The following C8B variants were observed in gnomAD, a reference collection of about 807,000 sequenced individuals.
C8B encodes complement C8 beta chain, also known as complement component C8 beta chain.
Under a neutral mutation model 64.6 loss-of-function variants are expected in C8B, and 67 were observed. That is an observed-to-expected ratio of 1.04 (90% CI 0.85 to 1.27). C8B has a LOEUF of 1.27. Among genes scored for constraint, C8B ranks in the 50% most tolerant of loss-of-function variants. The pLI is 0.00. For synonymous variants in C8B, 284 were observed against 257.7 expected (o/e 1.10, Z -0.98); for missense variants, 790 against 725.2 (o/e 1.09, Z -1.03).
intron 7 of C8B, among the ~76,000 whole-genome samples, chr1:56,945,511 A>G (rs1644928055): frequency 6.6e-6 from 1 of 152,194 alleles, no homozygotes; most frequent in Non-Finnish European, 1.5e-5. Context: ...AAACATTTCA[A>G]CATAAACTCT....
chr1:56,939,919 A>T (rs569247053), intron 9 of C8B, among the ~76,000 whole-genome samples: 174 of 152,288 alleles, frequency 1.1e-3, no homozygotes, highest in Non-Finnish European at 2.0e-3. Context: ...ACATTTCTAG[A>T]TGTTAGATGA....
At chr1:56,942,021 TA>T (rs1644871193) in intron 8 of C8B, among the ~76,000 whole-genome samples, 1 of 152,250 alleles carries the variant, frequency 6.6e-6, no homozygotes, top group Non-Finnish European at 1.5e-5. Flanking sequence ...GTGTAAAGAA[TA>T]AATGGTATAT....
chr1:56,947,880 G>A (rs1041428873), intron 6 of C8B, among the ~76,000 whole-genome samples: 1 of 152,100 alleles, frequency 6.6e-6, no homozygotes, highest in African/African-American at 2.4e-5. Flanking sequence ...GAAGTGAGCC[G>A]AGATCATGCC....
chr1:56,955,219 C>T (rs915321061), intron 3 of C8B, among the ~76,000 whole-genome samples: 3 of 152,038 alleles, frequency 2.0e-5, no homozygotes, highest in East Asian at 3.9e-4. Context: ...TAAGGTTGTT[C>T]GAAGTTTAAA....
chr1:56,965,671 A>C (rs867951534), intron 1 of C8B, among the ~76,000 whole-genome samples, 186 bp downstream of exon 1: 5 of 152,302 alleles, frequency 3.3e-5, no homozygotes, highest in Middle Eastern at 3.4e-3. Flanking sequence ...CTTTTGTTGA[A>C]ATCAGCTACT....
intron 9 of C8B, among the ~76,000 whole-genome samples, chr1:56,938,157 G>A (rs1470842417): frequency 6.6e-6 from 1 of 152,174 alleles, no homozygotes; most frequent in Non-Finnish European, 1.5e-5. Context: ...TTCTTAGGAA[G>A]AGGTCTCTGT....
intron 11 of C8B, chr1:56,931,558 A>T: frequency 2.3e-6 from 1 of 432,998 alleles, no homozygotes; most frequent in South Asian, 2.0e-5. Flanking sequence ...ATCCAAAGAG[A>T]TGGCTTACAA....
At chr1:56,944,286 G>T (rs1310149303) in intron 7 of C8B, among the ~76,000 whole-genome samples, 1 of 152,078 alleles carries the variant, frequency 6.6e-6, no homozygotes, top group Non-Finnish European at 1.5e-5. Flanking sequence ...AAAGAAAAGG[G>T]GCAAATTTCC....
intron 9 of C8B, among the ~76,000 whole-genome samples, chr1:56,940,364 A>G (rs1214075754): frequency 6.6e-6 from 1 of 151,894 alleles, no homozygotes; most frequent in Non-Finnish European, 1.5e-5. Context: ...GGTCAGTTCA[A>G]GACCAACCTG....
intron 1 of C8B, among the ~76,000 whole-genome samples, chr1:56,962,730 G>C: frequency 6.6e-6 from 1 of 152,128 alleles, no homozygotes; most frequent in East Asian, 1.9e-4. Flanking sequence ...CAGCAGCCTC[G>C]ATTTTGCTCC....
intron 7 of C8B, 87 bp downstream of exon 7, chr1:56,945,734 G>T: frequency 6.5e-7 from 1 of 1,531,058 alleles, no homozygotes; most frequent in Non-Finnish European, 9.0e-7. Context: ...TGAAGGTGTA[G>T]CCAGGAAGGT....
chr1:56,946,160 G>A, intron 6 of C8B, 99 bp from the exon 7 acceptor site: 2 of 1,384,184 alleles, frequency 1.4e-6, no homozygotes, highest in Non-Finnish European at 2.0e-6. Flanking sequence ...TCTTGGCCTG[G>A]GGTCATCACT....
intron 10 of C8B, 147 bp downstream of exon 10, chr1:56,933,188 G>A: frequency 1.4e-6 from 1 of 740,136 alleles, no homozygotes; most frequent in Non-Finnish European, 2.4e-6. Context: ...CTTGGGGCTA[G>A]AACCCAGGTA....
chr1:56,940,836 C>G lies in C8B; in HGVS notation c.1398+13G>C, dbSNP rs376529113. ...TGGGTGGAGGAAAGGATGGGTAGAG[C>G]AGCGTTGTGTACCTTAACTTTGATG... On this transcript the variant is annotated intron_variant, in intron 9 of 11. Coordinates refer to ENST00000371237, the MANE Select transcript of C8B (RefSeq NM_000066.4). 1 of 1,613,962 alleles carries G rather than the reference C, an allele frequency of 6.2e-7. No homozygotes were observed. Among genetic ancestry groups the G allele is most frequent in the East Asian group, 2.2e-5 (1 of 44,866 alleles).
intron 5 of C8B, among the ~76,000 whole-genome samples, chr1:56,950,585 AG>A (rs2101428070): frequency 6.6e-6 from 1 of 152,292 alleles, no homozygotes; most frequent in East Asian, 1.9e-4. Flanking sequence ...CTCCCAGACA[AG>A]GGTGCAACAG....
chr1:56,965,768 G>A (rs1324218464), intron 1 of C8B, 89 bp downstream of exon 1: 35 of 1,389,562 alleles, frequency 2.5e-5, no homozygotes, highest in Non-Finnish European at 3.4e-5. Flanking sequence ...TCATTCAATA[G>A]GCATGCAACA....
At chr1:56,945,549 T>G (rs548646354) in intron 7 of C8B, among the ~76,000 whole-genome samples, 1 of 150,568 alleles carries the variant, frequency 6.6e-6, no homozygotes, top group Admixed American at 6.6e-5. Context: ...CCAGGATGGA[T>G]CCAGGAAGAG....
intron 3 of C8B, among the ~76,000 whole-genome samples, chr1:56,955,679 C>T (rs1391535972): frequency 1.3e-5 from 2 of 152,182 alleles, no homozygotes; most frequent in African/African-American, 4.8e-5. Flanking sequence ...AATCATGGAA[C>T]ACAGGCCATA....
At chr1:56,941,061 C>T in intron 8 of C8B, 49 bp from the exon 9 acceptor site, 1 of 1,605,242 alleles carries the variant, frequency 6.2e-7, no homozygotes. Context: ...CCCTTTGCCC[C>T]CTAGAATTTG....
Sources: allele counts gnomAD v4.1 joint callset (sites outside exome capture counted in the v4.1 genomes callset), GRCh38; gene constraint gnomAD v4.1.1; transcripts MANE v1.5; gene names NCBI Gene and HGNC (gene_info 2026-07-23, HGNC 2026-07-21).